The following CADM2 variants were observed in gnomAD, a reference collection of about 807,000 sequenced individuals.
CADM2 encodes the protein cell adhesion molecule 2.
Under a neutral mutation model 49.8 loss-of-function variants are expected in CADM2, and 12 were observed. That is an observed-to-expected ratio of 0.24 (90% CI 0.15 to 0.39). CADM2 has a LOEUF of 0.39. CADM2 is among the 10% of genes least tolerant of loss of function. The probability of loss-of-function intolerance (pLI) is 1.00; values close to 1 mark genes in which losing one functional copy is unlikely to be tolerated. For synonymous variants in CADM2, 214 were observed against 175.4 expected (o/e 1.22, Z -1.74); for missense variants, 378 against 492.3 (o/e 0.77, Z 2.20).
intron 8 of CADM2, among the ~76,000 whole-genome samples, chr3:86,004,186 C>T (rs1246612493): frequency 6.6e-6 from 1 of 151,946 alleles, no homozygotes; most frequent in African/African-American, 2.4e-5. Context: ...TTCCTTATAC[C>T]TTTATTTTTT....
intron 8 of CADM2, among the ~76,000 whole-genome samples, chr3:85,977,165 A>T (rs527951713): frequency 2.9e-4 from 44 of 151,274 alleles, no homozygotes; most frequent in East Asian, 1.6e-3. Flanking sequence ...AAAACAAAAC[A>T]AAACAAAACT....
In CADM2 at chr3:85,126,614, T is replaced by C. The variant is rs141087981; in HGVS notation, c.61+166946T>C. Among the ~76,000 whole-genome samples, 518 of 152,282 alleles carry C rather than the reference T, an allele frequency of 3.4e-3. 2 individuals are homozygous for C. The highest frequency in any genetic ancestry group is 5.7e-3 in the Non-Finnish European group (389 of 67,990). Reference sequence around the variant, plus strand: ...TTTTTATTCTGTTAAGTTTTAACCATATCTGGCATTCAGTGTTAAAATTAA... The same window carrying C: ...TTTTTATTCTGTTAAGTTTTAACCACATCTGGCATTCAGTGTTAAAATTAA... On this transcript the variant is annotated intron_variant, in intron 1 of 9. Transcript: ENST00000383699.
At chr3:85,974,279 G>A (rs1266634336) in intron 8 of CADM2, among the ~76,000 whole-genome samples, 1 of 151,638 alleles carries the variant, frequency 6.6e-6, no homozygotes, top group Non-Finnish European at 1.5e-5. Flanking sequence ...AACAGGGTGT[G>A]CCTCTGAGAA....
intron 6 of CADM2, among the ~76,000 whole-genome samples, chr3:85,935,171 T>C (rs1273937198): frequency 6.6e-6 from 1 of 152,122 alleles, no homozygotes; most frequent in Non-Finnish European, 1.5e-5. Flanking sequence ...GTAGCACATA[T>C]AACAAATGTT....
At chr3:85,904,960 T>C (rs1472110768) in intron 5 of CADM2, among the ~76,000 whole-genome samples, 1 of 152,206 alleles carries the variant, frequency 6.6e-6, no homozygotes, top group Admixed American at 6.5e-5. Context: ...CTTGTAAGTA[T>C]AGATAATGTT....
intron 1 of CADM2, among the ~76,000 whole-genome samples, chr3:85,460,692 A>G (rs763769762): frequency 6.6e-6 from 1 of 151,598 alleles, no homozygotes; most frequent in Non-Finnish European, 1.5e-5. Context: ...CTTAACTACT[A>G]TGTTTGGAAT....
At chr3:85,492,407 C>T (rs748493294) in intron 1 of CADM2, among the ~76,000 whole-genome samples, 14 of 152,084 alleles carry the variant, frequency 9.2e-5, no homozygotes, top group Non-Finnish European at 1.0e-4. Flanking sequence ...GCCTACCCAA[C>T]ATGGTGAAAC....
chr3:85,938,788 A>G (rs1721481453), intron 7 of CADM2, among the ~76,000 whole-genome samples: 1 of 152,036 alleles, frequency 6.6e-6, no homozygotes, highest in Non-Finnish European at 1.5e-5. Context: ...GCTTAGTATA[A>G]GTAAGCACTT....
At chr3:85,034,266 C>T (rs1298730741) in intron 1 of CADM2, among the ~76,000 whole-genome samples, 2 of 151,128 alleles carry the variant, frequency 1.3e-5, no homozygotes, top group African/African-American at 4.9e-5. Flanking sequence ...TGTACCCATT[C>T]CCCCTTCTTG....
chr3:85,064,497 C>G (rs1332004697), intron 1 of CADM2, among the ~76,000 whole-genome samples: 2 of 151,960 alleles, frequency 1.3e-5, no homozygotes, highest in Non-Finnish European at 2.9e-5. Flanking sequence ...ACCAAAGAAA[C>G]TTTCGGATGT....
intron 8 of CADM2, among the ~76,000 whole-genome samples, chr3:86,018,132 G>GT (rs1388139100): frequency 2.4e-5 from 3 of 124,910 alleles, no homozygotes; most frequent in East Asian, 4.6e-4. Context: ...GCGGTGTTTG[G>GT]TTTTTTGTTC....
At chr3:85,072,588 T>G (rs1409969895) in intron 1 of CADM2, among the ~76,000 whole-genome samples, 1 of 152,156 alleles carries the variant, frequency 6.6e-6, no homozygotes, top group Non-Finnish European at 1.5e-5. Context: ...CTTCTGTTGA[T>G]GCACAATGGA....
At chr3:85,524,026 A>C (rs1052582768) in intron 1 of CADM2, among the ~76,000 whole-genome samples, 1 of 152,162 alleles carries the variant, frequency 6.6e-6, no homozygotes, top group Non-Finnish European at 1.5e-5. Context: ...ATATGCTTCC[A>C]AGTTATAAGG....
intron 3 of CADM2, among the ~76,000 whole-genome samples, chr3:85,826,196 A>G (rs2073901294): frequency 6.6e-6 from 1 of 152,154 alleles, no homozygotes. Context: ...TTTCAAGTAC[A>G]TTATCAATCA....
intron 7 of CADM2, among the ~76,000 whole-genome samples, chr3:85,946,784 C>T (rs1007177492): frequency 1.3e-5 from 2 of 152,154 alleles, no homozygotes; most frequent in Admixed American, 6.6e-5. Context: ...ACACCTTATA[C>T]AAAAATCAAT....
In CADM2 at chr3:85,701,912, T is replaced by G. The variant is rs112475285; in HGVS notation, c.62-24610T>G. ...AGATAGATAGATAGATAGATAGATA[T>G]AAAGAAAAAGGAAGAAAGAAAAAGA... On this transcript the variant is annotated intron_variant, in intron 1 of 9. Coordinates refer to ENST00000383699, the MANE Select transcript of CADM2 (RefSeq NM_001167675.2). Among the ~76,000 whole-genome samples the G allele has an allele frequency of 1.5e-3, 202 of 136,680 alleles. 1 individual carries two copies. Among genetic ancestry groups the G allele is most frequent in the African/African-American group, 5.5e-3 (192 of 35,036 alleles). 89.7% of individuals were successfully genotyped at this position (136,680 alleles called of 152,430 possible).
chr3:85,271,393 G>A (rs978782526), intron 1 of CADM2, among the ~76,000 whole-genome samples: 2 of 151,202 alleles, frequency 1.3e-5, no homozygotes, highest in African/African-American at 4.8e-5. Flanking sequence ...ACAGAAATCT[G>A]ATTCAATAAT....
intron 8 of CADM2, chr3:86,014,562 G>A: frequency 6.3e-7 from 1 of 1,592,954 alleles, no homozygotes; most frequent in Non-Finnish European, 8.6e-7. Flanking sequence ...TTACTATAAA[G>A]AAACACTAAG....
intron 5 of CADM2, among the ~76,000 whole-genome samples, chr3:85,906,372 AG>A (rs1716815411): frequency 6.6e-6 from 1 of 152,156 alleles, no homozygotes; most frequent in Admixed American, 6.5e-5. Flanking sequence ...AAACTGAAAA[AG>A]AGACTTTAAT....
Sources: allele counts gnomAD v4.1 joint callset (sites outside exome capture counted in the v4.1 genomes callset), GRCh38; gene constraint gnomAD v4.1.1; transcripts MANE v1.5; gene names NCBI Gene and HGNC (gene_info 2026-07-23, HGNC 2026-07-21).